Variants in MLPH observed in about 807,000 individuals in gnomAD.
MLPH encodes exophilin-3.
Under a neutral mutation model 72.1 loss-of-function variants are expected in MLPH, and 51 were observed. That is an observed-to-expected ratio of 0.71 (90% confidence interval 0.56 to 0.89). The LOEUF (loss-of-function observed/expected upper bound fraction) is 0.89. Ranked by LOEUF, MLPH falls within the 40% of genes least tolerant of loss-of-function variation. The pLI is 0.00. For missense variants in MLPH, 743 were observed against 759.9 expected (o/e 0.98, Z 0.26); for synonymous variants, 301 against 310.1 (o/e 0.97, Z 0.31).
At chr2:237,550,193 G>A (rs1000877665) in intron 14 of MLPH, among the ~76,000 whole-genome samples, 1 of 152,174 alleles carries the variant, frequency 6.6e-6, no homozygotes, top group African/African-American at 2.4e-5. Context: ...AAGTCCTCCA[G>A]GGCCAAGTAT....
At chr2:237,504,996 C>A (rs539876750) in intron 2 of MLPH, among the ~76,000 whole-genome samples, 1 of 152,230 alleles carries the variant, frequency 6.6e-6, no homozygotes, top group South Asian at 2.1e-4. Flanking sequence ...ACTCTGCTCA[C>A]TTACCGGGTC....
At chr2:237,497,653 G>T (rs1232664705) in intron 2 of MLPH, among the ~76,000 whole-genome samples, 13 of 152,224 alleles carry the variant, frequency 8.5e-5, no homozygotes, top group Non-Finnish European at 1.5e-4. Context: ...TTCTGCAGAG[G>T]AGCTGGCGAA....
In MLPH at chr2:237,549,179, G is replaced by A. The variant is rs192467858; in HGVS notation, c.1618-42G>A. 6.9e-4 allele frequency: 1,094 copies of A among 1,595,140 alleles called. 1 individual carries two copies. The highest frequency in any genetic ancestry group is 7.6e-4 in the Non-Finnish European group (881 of 1,162,968). On this transcript the variant is annotated intron_variant, in intron 13 of 15. Coordinates refer to ENST00000264605, the MANE Select transcript of MLPH (RefSeq NM_024101.7). ...CAAAATTAGTTGACAATTCCTAAAC[G>A]TCACAACTTGATGAAGCCTGGAGAC...
rs1450791947 is a variant in MLPH, at chr2:237,546,677, G to A, written c.1611G>A (p.Glu537=). The A allele has an allele frequency of 1.2e-6, 2 of 1,613,868 alleles. No homozygotes were observed. Among genetic ancestry groups the A allele is most frequent in the East Asian group, 2.2e-5 (1 of 44,888 alleles). The part of the protein sequence containing the change: ...PEDPNADPSS[E]AKAMAVPYLL... ...ACCCAAATGCAGACCCTTCAAGTGAGGCCAAGGTATGTGTTACTCCATTCA... is the reference window on the plus strand; with the variant it reads ...ACCCAAATGCAGACCCTTCAAGTGAAGCCAAGGTATGTGTTACTCCATTCA... The change falls in exon 13 of 16, where the codon GAG becomes GAA. Residue 537 remains glutamate (E), a synonymous_variant. Coordinates refer to ENST00000264605, the MANE Select transcript of MLPH (RefSeq NM_024101.7).
Position 237,540,741 on chromosome 2 carries a change from T to A in MLPH, c.1291-61T>A, listed in dbSNP as rs190047880. 140 of 1,599,080 alleles carry A rather than the reference T, an allele frequency of 8.8e-5. 1 individual carries two copies. The African/African-American group carries it at 1.7e-3, about 20-fold the overall frequency. ...AGAGCAATATCGTGGTGAGTCCCCA[T>A]CTGGGTGAAACCCCACACTCCCTCC... On this transcript the variant is annotated intron_variant, in intron 10 of 15. Transcript: ENST00000264605.
At chr2:237,553,197 C>T (rs1043425324) in intron 15 of MLPH, 6 of 487,706 alleles carry the variant, frequency 1.2e-5, no homozygotes, top group African/African-American at 2.0e-5. Flanking sequence ...GGCCGATGAC[C>T]AGTCTGGTTG....
intron 8 of MLPH, 150 bp from the exon 9 acceptor site, chr2:237,534,414 A>G (rs1260735673): frequency 1.1e-5 from 8 of 717,798 alleles, no homozygotes; most frequent in Admixed American, 8.0e-5. Flanking sequence ...GGGTTTCACA[A>G]TTAACCTTCC....
chr2:237,553,267 G>A (rs570110410), intron 15 of MLPH: 1 of 543,726 alleles, frequency 1.8e-6, no homozygotes. Flanking sequence ...CAGTGGAAAG[G>A]GGGTATAGCA....
intron 2 of MLPH, among the ~76,000 whole-genome samples, chr2:237,495,171 A>G (rs764877398): frequency 3.9e-5 from 6 of 152,068 alleles, no homozygotes; most frequent in Non-Finnish European, 8.8e-5. Context: ...CCATGCTCAC[A>G]TCTCTCTCTT....
intron 6 of MLPH, among the ~76,000 whole-genome samples, chr2:237,523,109 A>G (rs1373141579): frequency 2.6e-5 from 4 of 152,228 alleles, no homozygotes; most frequent in Non-Finnish European, 2.9e-5. Flanking sequence ...GATAATGAAT[A>G]GTGCTGCTGG....
rs193046504 is a variant in MLPH at position 237,490,654 on chromosome 2, C to T, written c.-24-2749C>T. On this transcript the variant is annotated intron_variant, in intron 1 of 15. Transcript: ENST00000264605. ...TCCATCCATTCTGAAAATAGAATGT[C>T]GGTGAATGCTCTTCTTATGATCCCT... 2.8e-4 allele frequency among the ~76,000 whole-genome samples: 43 copies of T among 152,178 alleles called. 1 individual carries two copies. The East Asian group carries it at 5.2e-3, about 18-fold the overall frequency.
chr2:237,524,154 G>T (rs2080249678), intron 6 of MLPH, among the ~76,000 whole-genome samples: 1 of 151,812 alleles, frequency 6.6e-6, no homozygotes, highest in African/African-American at 2.4e-5. Flanking sequence ...TAAATATTAA[G>T]TTGCGGGAGC....
At chr2:237,528,103 T>C (rs563532507) in intron 8 of MLPH, among the ~76,000 whole-genome samples, 1 of 152,150 alleles carries the variant, frequency 6.6e-6, no homozygotes, top group East Asian at 1.9e-4. Flanking sequence ...ACTAGAATAG[T>C]AGTCACCAGG....
chr2:237,495,773 A>T (rs758552640), intron 2 of MLPH, among the ~76,000 whole-genome samples: 3 of 152,164 alleles, frequency 2.0e-5, no homozygotes, highest in Non-Finnish European at 4.4e-5. Context: ...TGGCCCTGGT[A>T]CAGCCAGTAC....
intron 12 of MLPH, chr2:237,545,778 G>A: frequency 3.5e-6 from 2 of 563,488 alleles, no homozygotes; most frequent in African/African-American, 2.0e-5. Context: ...GGAAAATACA[G>A]GATGCCCAGT....
At chr2:237,526,929 A>G (rs1000208736) in intron 7 of MLPH, among the ~76,000 whole-genome samples, 1 of 152,168 alleles carries the variant, frequency 6.6e-6, no homozygotes, top group African/African-American at 2.4e-5. Flanking sequence ...CAGTTTCCTC[A>G]TTGTACAAAA....
chr2:237,502,493 A>G (rs2079673000), intron 2 of MLPH, among the ~76,000 whole-genome samples: 1 of 152,170 alleles, frequency 6.6e-6, no homozygotes, highest in Non-Finnish European at 1.5e-5. Flanking sequence ...AAGTTCTCCC[A>G]GTAACTGCTT....
chr2:237,505,217 G>T lies in MLPH; in HGVS notation c.111-5357G>T, dbSNP rs561298719. On this transcript the variant is annotated intron_variant, in intron 2 of 15. Coordinates refer to ENST00000264605, the MANE Select transcript of MLPH (RefSeq NM_024101.7). This position sits in a 1 kb window ranked among gnomAD's most constrained non-coding sequence, Gnocchi z 4.5. Reference sequence around the variant, plus strand: ...TGGAGGGCAGGTCAGCTTGCAGGATGGGGACCGCTGGCTGGTATGTGAAGG... The same window carrying T: ...TGGAGGGCAGGTCAGCTTGCAGGATTGGGACCGCTGGCTGGTATGTGAAGG... Among the ~76,000 whole-genome samples, 2 of 152,292 alleles carry T rather than the reference G, an allele frequency of 1.3e-5. No homozygotes were observed. Among genetic ancestry groups the T allele is most frequent in the East Asian group, 3.9e-4 (2 of 5,180 alleles).
rs113178755 is a variant in MLPH, at chr2:237,524,173, G to A, written c.676-1428G>A. Among the ~76,000 whole-genome samples, 636 of 151,882 alleles carry A rather than the reference G, an allele frequency of 4.2e-3. 4 individuals carry two copies. The highest frequency in any genetic ancestry group is 6.9e-3 in the African/African-American group (286 of 41,278). On this transcript the variant is annotated intron_variant, in intron 6 of 15. Transcript: ENST00000264605. ...TATTAAGTTGCGGGAGCCGAAATGC[G>A]ATTATTAGTAGTAATAGGGCTAGTA...
Sources: gnomAD v4.1 joint callset for allele counts (sites outside exome capture counted in the v4.1 genomes callset) on GRCh38, gnomAD v4.1.1 for gene constraint, Gnocchi (gnomAD v3.1) non-coding constraint, MANE v1.5 for transcripts, NCBI Gene and HGNC (gene_info 2026-07-23, HGNC 2026-07-21) for gene names.